AGBL1: variants seen among roughly 807,000 people sequenced by gnomAD.
The protein encoded by AGBL1 is AGBL carboxypeptidase 1.
Under a neutral mutation model 118.9 loss-of-function variants are expected in AGBL1, and 130 were observed. The observed-to-expected ratio is 1.09, with a 90% CI of 0.95 to 1.26. The LOEUF (loss-of-function observed/expected upper bound fraction) is 1.26. Among genes scored for constraint, AGBL1 ranks in the 50% most tolerant of loss-of-function variants. The pLI, the probability that AGBL1 is intolerant of heterozygous loss-of-function variation, is 0.00. For missense variants in AGBL1, 1,584 were observed against 1,298.1 expected (o/e 1.22, Z -3.38); for synonymous variants, 555 against 478.9 (o/e 1.16, Z -2.08).
At chr15:86,467,536 C>A (rs2082423121) in intron 18 of AGBL1, among the ~76,000 whole-genome samples, 1 of 152,220 alleles carries the variant, frequency 6.6e-6, no homozygotes, top group African/African-American at 2.4e-5. Context: ...AAAACTCCTG[C>A]AGCTAGCTCT....
intron 13 of AGBL1, among the ~76,000 whole-genome samples, chr15:86,268,940 A>G (rs2079114418): frequency 1.3e-5 from 2 of 152,244 alleles, no homozygotes; most frequent in African/African-American, 2.4e-5. Context: ...ATGCAAAGAG[A>G]ATACCAAGAG....
intron 21 of AGBL1, among the ~76,000 whole-genome samples, chr15:86,596,423 T>C (rs889430464): frequency 4.6e-5 from 7 of 152,196 alleles, no homozygotes; most frequent in Non-Finnish European, 8.8e-5. Context: ...TAACTTTGTG[T>C]GCCTTTTCTC....
chr15:86,617,658 T>C (rs1447943823), intron 21 of AGBL1, among the ~76,000 whole-genome samples: 1 of 152,116 alleles, frequency 6.6e-6, no homozygotes, highest in Non-Finnish European at 1.5e-5. Context: ...TTTCTTGGGC[T>C]GTGACATAAG....
intron 18 of AGBL1, among the ~76,000 whole-genome samples, chr15:86,443,691 A>G (rs1246486122): frequency 2.0e-5 from 3 of 152,226 alleles, no homozygotes; most frequent in Non-Finnish European, 4.4e-5. Context: ...GTATGAAAGA[A>G]AACATAGTAT....
Position 86,266,975 on chromosome 15 carries a change from C to G in AGBL1, c.1752-15C>G. 6.5e-7 allele frequency: 1 copy of G among 1,545,970 alleles called. No homozygotes were observed. Among genetic ancestry groups the G allele is most frequent in the South Asian group, 1.2e-5 (1 of 84,320 alleles). ...TGATAACACATATGTTCACATGTTC[C>G]TTATTTCATTGTAGGCCTTTGCAAG... On this transcript the variant is annotated splice_polypyrimidine_tract_variant and intron_variant, in intron 12 of 22. Coordinates refer to ENST00000614907, the MANE Select transcript of AGBL1 (RefSeq NM_001386094.1).
At chr15:86,716,439 G>T (rs2086639846) in intron 22 of AGBL1, among the ~76,000 whole-genome samples, 1 of 152,126 alleles carries the variant, frequency 6.6e-6, no homozygotes, top group South Asian at 2.1e-4. Context: ...CATTTCATGT[G>T]ACTTTCTTCC....
At chr15:86,398,341 T>C (rs2081397766) in intron 18 of AGBL1, among the ~76,000 whole-genome samples, 1 of 151,904 alleles carries the variant, frequency 6.6e-6, no homozygotes, top group Non-Finnish European at 1.5e-5. Flanking sequence ...CACAAAGAGG[T>C]CTTTCAAACT....
chr15:86,482,067 T>C (rs575188880), intron 18 of AGBL1, among the ~76,000 whole-genome samples: 1 of 152,266 alleles, frequency 6.6e-6, no homozygotes, highest in Non-Finnish European at 1.5e-5. Flanking sequence ...GCTTAGGAAC[T>C]CCTCTGCAAA....
At chr15:86,357,350 A>G (rs1032146538) in intron 17 of AGBL1, among the ~76,000 whole-genome samples, 1 of 152,234 alleles carries the variant, frequency 6.6e-6, no homozygotes, top group Admixed American at 6.5e-5. Flanking sequence ...AAACTGAATG[A>G]TCATTTGCCA....
intron 22 of AGBL1, among the ~76,000 whole-genome samples, chr15:86,824,816 G>T (rs1247945627): frequency 6.6e-6 from 1 of 152,104 alleles, no homozygotes; most frequent in African/African-American, 2.4e-5. Flanking sequence ...CCAGCACTTT[G>T]GGAGGCCGAG....
At chr15:86,993,138 C>A (rs1050983181) in intron 24 of AGBL1, among the ~76,000 whole-genome samples, 17 of 152,234 alleles carry the variant, frequency 1.1e-4, no homozygotes, top group Non-Finnish European at 2.4e-4. Flanking sequence ...TGTGCTCTAA[C>A]TGTAATATAA....
chr15:86,276,952 G>T (rs1475580726), intron 15 of AGBL1, among the ~76,000 whole-genome samples: 1 of 152,090 alleles, frequency 6.6e-6, no homozygotes, highest in Admixed American at 6.5e-5. Context: ...AAAGTTTAAA[G>T]GCCTCTGCAG....
At chr15:86,706,960 A>G (rs2086460901) in intron 22 of AGBL1, among the ~76,000 whole-genome samples, 1 of 152,136 alleles carries the variant, frequency 6.6e-6, no homozygotes, top group Non-Finnish European at 1.5e-5. Flanking sequence ...AACGTAGTCA[A>G]AAGGGAAAAA....
intron 20 of AGBL1, among the ~76,000 whole-genome samples, chr15:86,548,838 C>G (rs1303437195): frequency 6.6e-6 from 1 of 151,996 alleles, no homozygotes; most frequent in Non-Finnish European, 1.5e-5. Flanking sequence ...GTTTAATTGG[C>G]TCATGGTTAT....
intron 1 of AGBL1, chr15:86,086,290 G>A (rs538800933): frequency 1.3e-5 from 2 of 152,282 alleles, no homozygotes; most frequent in South Asian, 4.1e-4. Flanking sequence ...GAATCAAACA[G>A]ACTGGACACC....
At chr15:86,731,700 C>G (rs1282741737) in intron 22 of AGBL1, among the ~76,000 whole-genome samples, 1 of 152,142 alleles carries the variant, frequency 6.6e-6, no homozygotes, top group Admixed American at 6.5e-5. Context: ...CTCCACCAAC[C>G]AGACTGACTT....
chr15:86,842,689 T>C (rs992803716), intron 22 of AGBL1, among the ~76,000 whole-genome samples: 1 of 152,210 alleles, frequency 6.6e-6, no homozygotes, highest in African/African-American at 2.4e-5. Flanking sequence ...CTCATTCCAA[T>C]TAGTACTGAA....
intron 1 of AGBL1, among the ~76,000 whole-genome samples, chr15:86,092,164 G>T (rs1025756019): frequency 6.6e-6 from 1 of 152,012 alleles, no homozygotes; most frequent in Non-Finnish European, 1.5e-5. Context: ...ACGTTTGAAA[G>T]TCTCCAGAAA....
At chr15:86,993,512 G>A (rs1173488835) in intron 24 of AGBL1, among the ~76,000 whole-genome samples, 5 of 152,156 alleles carry the variant, frequency 3.3e-5, no homozygotes, top group African/African-American at 4.8e-5. Context: ...CATGAGAGCA[G>A]TTATGGGTGG....
Sources: allele counts gnomAD v4.1 joint callset (sites outside exome capture counted in the v4.1 genomes callset), GRCh38; gene constraint gnomAD v4.1.1; transcripts MANE v1.5; gene names NCBI Gene and HGNC (gene_info 2026-07-23, HGNC 2026-07-21).